The following CX3CR1 variants were observed in gnomAD, a reference collection of about 807,000 sequenced individuals.
The protein encoded by CX3CR1 is C-X3-C motif chemokine receptor 1, also known as CX3C chemokine receptor 1.
For synonymous variants in CX3CR1, 168 were observed against 178.5 expected, an observed-to-expected ratio of 0.94 and a Z score of 0.47; for missense variants, 363 against 432.4, an observed-to-expected ratio of 0.84 and a Z score of 1.42.
intron 1 of CX3CR1, among the ~76,000 whole-genome samples, chr3:39,268,190 C>G (rs1243010296): frequency 1.3e-5 from 2 of 152,250 alleles, no homozygotes; most frequent in Non-Finnish European, 2.9e-5. Flanking sequence ...CACCCAGACT[C>G]TCCTGGGATA....
upstream of CX3CR1, among the ~76,000 whole-genome samples, chr3:39,280,622 T>C (rs2040885910): frequency 1.3e-5 from 2 of 152,168 alleles, no homozygotes; most frequent in African/African-American, 4.8e-5. Flanking sequence ...CGGTAAATAT[T>C]TTTTTCCTCA....
At chr3:39,287,447 C>A in the CX3CR1 span, 1 of 152,134 alleles carries the variant, frequency 6.6e-6, no homozygotes, top group Non-Finnish European at 1.5e-5. Context: ...TTCACTCGGT[C>A]AATACACTTG....
rs2040728114 is a variant in CX3CR1 at position 39,268,169 on chromosome 3, G to C, written c.-9-1651C>G. The stretch of plus-strand genomic sequence containing the variant: ...TCTCGCTTCCCAGCCTCTGCTTTGG[G>C]GCCTGCATCTCACCCAGACTCTCCT... On this transcript the variant is annotated intron_variant, in intron 1 of 1. Coordinates refer to ENST00000399220, the MANE Select transcript of CX3CR1 (RefSeq NM_001337.4). Among the ~76,000 whole-genome samples the C allele has an allele frequency of 1.3e-5, 2 of 152,116 alleles. 1 individual carries two copies. The highest frequency in any genetic ancestry group is 6.3e-3 in the Middle Eastern group (2 of 316).
upstream of CX3CR1, among the ~76,000 whole-genome samples, chr3:39,283,104 T>C (rs2040918262): frequency 6.6e-6 from 1 of 152,196 alleles, no homozygotes. Context: ...GTACCCAGGC[T>C]GCTCTTGAAC....
At chr3:39,283,793 AATTATATATATATAT>A (rs1236220251), upstream of CX3CR1, among the ~76,000 whole-genome samples, 2 of 63,930 alleles carry the variant, frequency 3.1e-5, no homozygotes, top group Non-Finnish European at 2.9e-5. Flanking sequence ...AAAAAAAAAA[AATTATATATATATAT>A]ATATATATAT....
At chr3:39,267,845 G>GT (rs2040724395) in intron 1 of CX3CR1, among the ~76,000 whole-genome samples, 1 of 152,214 alleles carries the variant, frequency 6.6e-6, no homozygotes, top group African/African-American at 2.4e-5. Flanking sequence ...ACTTCTGCAG[G>GT]CTGCACTCCC....
intron 1 of CX3CR1, among the ~76,000 whole-genome samples, chr3:39,268,499 A>T (rs1388301025): frequency 1.3e-5 from 2 of 152,174 alleles, no homozygotes; most frequent in Non-Finnish European, 2.9e-5. Flanking sequence ...AAGCTGCTGT[A>T]TGAGTAAAAA....
At chr3:39,290,105 C>T in the CX3CR1 span, among the ~76,000 whole-genome samples, 7 of 152,230 alleles carry the variant, frequency 4.6e-5, no homozygotes, top group East Asian at 1.9e-4. Context: ...TAGCTTACTG[C>T]GGCAAGGGAA....
the CX3CR1 span, among the ~76,000 whole-genome samples, chr3:39,292,610 G>T: frequency 4.6e-5 from 7 of 152,290 alleles, no homozygotes; most frequent in South Asian, 1.2e-3. Context: ...CCATGTGCCA[G>T]GACCTGTGCT....
At chr3:39,273,042 A>G (rs1013928310) in intron 1 of CX3CR1, among the ~76,000 whole-genome samples, 2 of 152,238 alleles carry the variant, frequency 1.3e-5, no homozygotes, top group Non-Finnish European at 2.9e-5. Flanking sequence ...CAGGATCTCA[A>G]CCCCAGATGC....
At chr3:39,281,244 C>T (rs572615507), upstream of CX3CR1, 3 of 1,052,352 alleles carry the variant, frequency 2.9e-6, no homozygotes, top group Non-Finnish European at 2.3e-6. Context: ...CCTTTCCCTG[C>T]CTTTGGCCAG....
chr3:39,292,249 G>A, the CX3CR1 span, among the ~76,000 whole-genome samples: 1 of 152,196 alleles, frequency 6.6e-6, no homozygotes, highest in South Asian at 2.1e-4. Flanking sequence ...AAACAGAGAT[G>A]AAGGCAGAGT....
chr3:39,281,669 C>T, upstream of CX3CR1: 1 of 1,599,296 alleles, frequency 6.3e-7, no homozygotes, highest in South Asian at 1.1e-5. Context: ...AGTCTGCCAA[C>T]TTAAACGCCT....
chr3:39,269,907 G>A (rs1226127700), intron 1 of CX3CR1, among the ~76,000 whole-genome samples: 2 of 152,254 alleles, frequency 1.3e-5, no homozygotes, highest in African/African-American at 4.8e-5. Context: ...CTTTCTATGA[G>A]TTCCCACGTG....
At chr3:39,283,843 T>TATATATA (rs1351970787), upstream of CX3CR1, among the ~76,000 whole-genome samples, 109 of 74,058 alleles carry the variant, frequency 1.5e-3, no homozygotes, top group South Asian at 2.0e-3. Context: ...ATATATATAA[T>TATATATA]GTGGTTAATA....
intron 1 of CX3CR1, among the ~76,000 whole-genome samples, chr3:39,279,748 T>C (rs892307034): frequency 2.0e-5 from 3 of 152,246 alleles, no homozygotes; most frequent in African/African-American, 7.2e-5. Flanking sequence ...ATGCTTCTAA[T>C]ACTATTCCAC....
chr3:39,287,536 T>C, the CX3CR1 span: 1 of 152,206 alleles, frequency 6.6e-6, no homozygotes, highest in Non-Finnish European at 1.5e-5. Flanking sequence ...TTTCTGACAC[T>C]CTGCTTGGTA....
rs1575211949 is a variant in CX3CR1 at position 39,279,952 on chromosome 3, A to C, written c.-10+2T>G. On this transcript the variant is annotated splice_donor_variant, in intron 1 of 1. Coordinates refer to ENST00000399220, the MANE Select transcript of CX3CR1 (RefSeq NM_001337.4). LOFTEE classifies it low-confidence loss of function (5UTR_SPLICE). ...GGTACCCAACTAGTCCTGTGCACCT[A>C]CCTGGCGTGGACTGCCAAGGGAACC... The C allele has an allele frequency of 2.0e-6, 2 of 985,064 alleles. No individual in the cohort carries two copies. The highest frequency in any genetic ancestry group is 3.5e-5 in the African/African-American group (2 of 57,204). 61.0% of individuals were successfully genotyped at this position (985,064 alleles called of 1,614,324 possible). A position where few individuals can be genotyped will look rare whatever the true frequency, so the allele number is the denominator to read the frequency against.
At chr3:39,289,363 T>C in the CX3CR1 span, among the ~76,000 whole-genome samples, 11 of 152,084 alleles carry the variant, frequency 7.2e-5, no homozygotes, top group African/African-American at 2.4e-4. Flanking sequence ...GGGACCAAGT[T>C]GTACAAAGGG....
Sources: allele counts gnomAD v4.1 joint callset (sites outside exome capture counted in the v4.1 genomes callset), GRCh38; gene constraint gnomAD v4.1.1; transcripts MANE v1.5; gene names NCBI Gene and HGNC (gene_info 2026-07-23, HGNC 2026-07-21).